The following DNAI4 variants were observed in gnomAD, a reference collection of about 807,000 sequenced individuals.
DNAI4 encodes dynein axonemal intermediate chain 4.
DNAI4 carries 85 observed loss-of-function variants against 105.8 expected under a neutral mutation model. The observed-to-expected ratio is 0.80, with a 90% CI of 0.67 to 0.96. DNAI4 has a LOEUF of 0.96. Among genes scored for constraint, DNAI4 ranks in the 40% least tolerant of loss-of-function variants. DNAI4 has a pLI of 0.00. For synonymous variants in DNAI4, 352 were observed against 331.5 expected (o/e 1.06, Z -0.67); for missense variants, 1,014 against 1,005.6 (o/e 1.01, Z -0.11).
intron 13 of DNAI4, among the ~76,000 whole-genome samples, chr1:66,832,067 C>A (rs911689018): frequency 6.6e-6 from 1 of 152,168 alleles, no homozygotes; most frequent in Non-Finnish European, 1.5e-5. Flanking sequence ...CACCTCAATT[C>A]CTGACAGCTG....
At chr1:66,854,038 A>T (rs1180140479) in intron 7 of DNAI4, among the ~76,000 whole-genome samples, 1 of 152,204 alleles carries the variant, frequency 6.6e-6, no homozygotes, top group African/African-American at 2.4e-5. Context: ...TACAAGAAAA[A>T]CATAGAAGAA....
chr1:66,838,126 A>C (rs967061600), intron 9 of DNAI4, among the ~76,000 whole-genome samples: 2 of 152,208 alleles, frequency 1.3e-5, no homozygotes, highest in Non-Finnish European at 2.9e-5. Context: ...AGGATGACTT[A>C]ATTATTTCAA....
intron 1 of DNAI4, among the ~76,000 whole-genome samples, chr1:66,918,094 A>G (rs577442211): frequency 2.0e-5 from 3 of 152,330 alleles, no homozygotes; most frequent in East Asian, 3.9e-4. Flanking sequence ...CTTGGCTTTA[A>G]AAGAGTCTTA....
chr1:66,918,218 G>A (rs11208971), intron 1 of DNAI4, among the ~76,000 whole-genome samples: 88,326 of 152,030 alleles, frequency 0.58, 27,799 homozygotes, highest in East Asian at 0.84. Flanking sequence ...CAAACCAGTC[G>A]TACCATGATT....
In DNAI4 at chr1:66,874,630, TATATAATTTTGTAGGGA is replaced by T. The variant is rs891700368; in HGVS notation, c.800+134_800+150del. 52 of 553,864 alleles carry T rather than the reference TATATAATTTTGTAGGGA, an allele frequency of 9.4e-5. No individual in the cohort carries two copies. In the Middle Eastern group the frequency reaches 1.5e-3, roughly 16 times the overall value. 34.3% of individuals were successfully genotyped at this position (553,864 alleles called of 1,614,324 possible). On this transcript the variant is annotated intron_variant, in intron 5 of 16. Transcript: ENST00000371026. ...TTCACATGGCACTTATATAACTTTGTATATAATTTTGTAGGGAATATACAGTCTCCCCCCAAACCCCA... is the reference window on the plus strand; with the variant it reads ...TTCACATGGCACTTATATAACTTTGTATATACAGTCTCCCCCCAAACCCCA...
chr1:66,843,628 T>C (rs2100499177), intron 8 of DNAI4, among the ~76,000 whole-genome samples: 1 of 152,332 alleles, frequency 6.6e-6, no homozygotes, highest in Middle Eastern at 3.4e-3. Context: ...TCATCTAGTG[T>C]TTCTCCTATG....
At chr1:66,866,317 GA>G (rs908002545) in intron 6 of DNAI4, among the ~76,000 whole-genome samples, 16 of 144,050 alleles carry the variant, frequency 1.1e-4, no homozygotes, top group Non-Finnish European at 1.7e-4. Context: ...AAAAAAAAAA[GA>G]AAAAAAAAAG....
intron 5 of DNAI4, among the ~76,000 whole-genome samples, chr1:66,874,071 A>G (rs1646910583): frequency 1.3e-5 from 2 of 151,724 alleles, no homozygotes; most frequent in Non-Finnish European, 2.9e-5. Flanking sequence ...AGGTAAAATA[A>G]TCAGAATAAC....
At chr1:66,832,708 G>A (rs1278530928) in intron 13 of DNAI4, among the ~76,000 whole-genome samples, 2 of 152,038 alleles carry the variant, frequency 1.3e-5, no homozygotes, top group African/African-American at 4.8e-5. Context: ...ATGCTTGAAG[G>A]GATGGATACC....
At chr1:66,882,565 T>G (rs1647096843) in intron 4 of DNAI4, among the ~76,000 whole-genome samples, 1 of 152,172 alleles carries the variant, frequency 6.6e-6, no homozygotes, top group Admixed American at 6.6e-5. Flanking sequence ...CCATCAACAT[T>G]TATTGAAAAG....
chr1:66,897,112 T>G (rs1001667664), intron 2 of DNAI4, among the ~76,000 whole-genome samples: 1 of 152,196 alleles, frequency 6.6e-6, no homozygotes, highest in East Asian at 1.9e-4. Context: ...GAATTTGGAA[T>G]AGTAAAGACT....
chr1:66,903,696 A>G (rs2104414), intron 2 of DNAI4, among the ~76,000 whole-genome samples: 10,335 of 152,118 alleles, frequency 0.068, 1,126 homozygotes, highest in African/African-American at 0.23. Flanking sequence ...GGGTTTCACC[A>G]TTTGGCCAGG....
intron 13 of DNAI4, among the ~76,000 whole-genome samples, chr1:66,833,371 C>G (rs1390706612): frequency 6.6e-6 from 1 of 152,058 alleles, no homozygotes; most frequent in Non-Finnish European, 1.5e-5. Flanking sequence ...ACTCTATTAT[C>G]ATTAGTAAGT....
At chr1:66,872,569 A>G (rs1265112962) in intron 5 of DNAI4, among the ~76,000 whole-genome samples, 2 of 151,990 alleles carry the variant, frequency 1.3e-5, no homozygotes, top group African/African-American at 2.4e-5. Flanking sequence ...CAGGATTACT[A>G]TACCTTCCTA....
Position 66,876,793 on chromosome 1 carries a change from T to G in DNAI4, c.644-1856A>C, listed in dbSNP as rs141740326. Reference sequence around the variant, plus strand: ...TCTATCAATCTGTTTTGCCTGCTCCTCTTGACTGCCAATGATGGAGGGAAC... The same window carrying G: ...TCTATCAATCTGTTTTGCCTGCTCCGCTTGACTGCCAATGATGGAGGGAAC... On this transcript the variant is annotated intron_variant, in intron 4 of 16. Transcript: ENST00000371026. 8.1e-3 allele frequency among the ~76,000 whole-genome samples: 1,229 copies of G among 152,216 alleles called. 12 individuals carry two copies. The highest frequency in any genetic ancestry group is 0.028 in the African/African-American group (1,179 of 41,534).
intron 9 of DNAI4, among the ~76,000 whole-genome samples, chr1:66,840,125 G>T (rs1034320829): frequency 6.6e-6 from 1 of 152,060 alleles, no homozygotes; most frequent in Non-Finnish European, 1.5e-5. Context: ...GGGCTCATCA[G>T]TTTTGGTATA....
intron 10 of DNAI4, among the ~76,000 whole-genome samples, chr1:66,837,197 C>T (rs1646043430): frequency 6.6e-6 from 1 of 151,932 alleles, no homozygotes; most frequent in Non-Finnish European, 1.5e-5. Context: ...AACCCCGTCT[C>T]TATTAAAAAT....
chr1:66,822,393 T>C lies in DNAI4; in HGVS notation c.2464A>G (p.Arg822Gly). 6.2e-7 allele frequency: 1 copy of C among 1,608,598 alleles called. No individual in the cohort carries two copies. The highest frequency in any genetic ancestry group is 8.5e-7 in the Non-Finnish European group (1 of 1,178,434). Reference sequence around the variant, plus strand: ...GTTTCCAAAACAGTAGGCATATTTCTCAGTTCATACACAGAAACCTGTCCA... The same window carrying C: ...GTTTCCAAAACAGTAGGCATATTTCCCAGTTCATACACAGAAACCTGTCCA... ...SDGQVSVYEL[R>G]NMPTVLETGR... The change falls in exon 16 of 17, where the codon AGA (arginine) becomes GGA (glycine). Residue 822 changes from arginine to glycine, a missense_variant. Physicochemically the swap from Arg to Gly is moderately radical, Grantham distance 125 (BLOSUM62 -2). Transcript: ENST00000371026.
chr1:66,839,772 G>A (rs981639351), intron 9 of DNAI4, among the ~76,000 whole-genome samples: 1 of 152,118 alleles, frequency 6.6e-6, no homozygotes, highest in African/African-American at 2.4e-5. Flanking sequence ...ACTTTTGTCA[G>A]TGCAGTAGTT....
Sources: allele counts gnomAD v4.1 joint callset (sites outside exome capture counted in the v4.1 genomes callset), GRCh38; gene constraint gnomAD v4.1.1; transcripts MANE v1.5; gene names NCBI Gene and HGNC (gene_info 2026-07-23, HGNC 2026-07-21).